The following WDR64 variants were observed in gnomAD, a reference collection of about 807,000 sequenced individuals.
The protein encoded by WDR64 is WD repeat domain 64.
A neutral mutation model predicts 139.3 loss-of-function variants in WDR64; 112 were observed. That is an observed-to-expected ratio of 0.80 (90% CI 0.69 to 0.94). WDR64 has a LOEUF of 0.94. Ranked by LOEUF, WDR64 falls within the 40% of genes least tolerant of loss-of-function variation. WDR64 has a pLI of 0.00. For synonymous variants in WDR64, 444 were observed against 437.7 expected (o/e 1.01, Z -0.18); for missense variants, 1,206 against 1,293.1 (o/e 0.93, Z 1.03).
In WDR64 at chr1:241,674,670, A is replaced by G; in HGVS notation, c.406A>G (p.Ser136Gly). 1.3e-6 allele frequency: 2 copies of G among 1,549,816 alleles called. No individual in the cohort carries two copies. Among genetic ancestry groups the G allele is most frequent in the Non-Finnish European group, 1.7e-6 (2 of 1,145,702 alleles). Reference protein sequence around the residue: ...SGSRRRDVIKSIVKIPHLDLL... With the variant: ...SGSRRRDVIKGIVKIPHLDLL... ...TAGTAGAAGACGAGATGTGATTAAGAGCATTGTCAAGATACCTCACCTGGA... is the reference window on the plus strand; with the variant it reads ...TAGTAGAAGACGAGATGTGATTAAGGGCATTGTCAAGATACCTCACCTGGA... The change falls in exon 4 of 28, where the codon AGC becomes GGC. Residue 136 changes from serine (S) to glycine (G), a missense_variant. Transcript: ENST00000437684.
At chr1:241,708,970 A>C (rs1233439467) in intron 8 of WDR64, among the ~76,000 whole-genome samples, 2 of 152,130 alleles carry the variant, frequency 1.3e-5, no homozygotes, top group Non-Finnish European at 2.9e-5. Context: ...TACAGGTCTA[A>C]GGATAACTAT....
chr1:241,789,842 T>TA (rs1224108353), intron 24 of WDR64, among the ~76,000 whole-genome samples: 2 of 152,148 alleles, frequency 1.3e-5, no homozygotes, highest in African/African-American at 4.8e-5. Context: ...GACACAAGTT[T>TA]ACCGAAATAA....
intron 2 of WDR64, among the ~76,000 whole-genome samples, chr1:241,670,588 T>C (rs961034152): frequency 6.6e-6 from 1 of 152,150 alleles, no homozygotes; most frequent in Non-Finnish European, 1.5e-5. Flanking sequence ...TTGAATATAT[T>C]AAACCAGGGG....
rs1271584266 is a variant in WDR64, at chr1:241,758,662, GC to G, written c.1947+1206del. Reference sequence around the variant, plus strand: ...TTAATTTGCTACTATTATTATTGATGCCCAAACTGTCCCATCTGAAACTGGT... The same window carrying G: ...TTAATTTGCTACTATTATTATTGATGCCAAACTGTCCCATCTGAAACTGGT... On this transcript the variant is annotated intron_variant, in intron 15 of 27. Coordinates refer to ENST00000437684, the MANE Select transcript of WDR64 (RefSeq NM_001367482.1). Among the ~76,000 whole-genome samples the G allele has an allele frequency of 2.0e-5, 3 of 152,140 alleles. No homozygotes were observed. In the East Asian group the frequency reaches 5.8e-4, roughly 29 times the overall value.
At position 241,652,571 on chromosome 1, in the gene WDR64, T is replaced by A; in HGVS notation, c.87T>A (p.Val29=). 5.8e-6 allele frequency: 9 copies of A among 1,551,988 alleles called. No homozygotes were observed. The highest frequency in any genetic ancestry group is 7.8e-6 in the Non-Finnish European group (9 of 1,147,048). ...KKALNRFEKL[V]EQTAAQKRDE... is the part of the protein sequence containing the mutation. ...CTTTGAACAGGTTTGAAAAATTGGT[T>A]GAACAAACAGCAGCCCAGAAAAGAG... The change falls in exon 1 of 28, where the codon GTT becomes GTA. Residue 29 remains valine (V), a synonymous_variant. Coordinates refer to ENST00000437684, the MANE Select transcript of WDR64 (RefSeq NM_001367482.1).
At chr1:241,781,605 G>A (rs1339275876) in intron 22 of WDR64, among the ~76,000 whole-genome samples, 2 of 103,732 alleles carry the variant, frequency 1.9e-5, no homozygotes, top group Admixed American at 8.6e-5. Flanking sequence ...AAGATAAGTC[G>A]AAACCTCTCC....
At chr1:241,791,322 C>T (rs1659209272) in intron 25 of WDR64, among the ~76,000 whole-genome samples, 1 of 152,104 alleles carries the variant, frequency 6.6e-6, no homozygotes, top group East Asian at 1.9e-4. Flanking sequence ...TTTGTCCCCT[C>T]TCTGACCATG....
chr1:241,664,104 T>A (rs1665939405), intron 2 of WDR64, among the ~76,000 whole-genome samples: 1 of 152,242 alleles, frequency 6.6e-6, no homozygotes, highest in Non-Finnish European at 1.5e-5. Flanking sequence ...ATTGTGTAAG[T>A]GTACAACATG....
At chr1:241,744,763 G>A (rs926595047) in intron 13 of WDR64, among the ~76,000 whole-genome samples, 3 of 152,178 alleles carry the variant, frequency 2.0e-5, no homozygotes, top group Non-Finnish European at 4.4e-5. Context: ...ACAGTTTGCA[G>A]AAGTCTTTTG....
chr1:241,740,352 G>A (rs929076168), intron 11 of WDR64, among the ~76,000 whole-genome samples: 1 of 152,188 alleles, frequency 6.6e-6, no homozygotes, highest in African/African-American at 2.4e-5. Flanking sequence ...GTCCAAGTAT[G>A]ATTTGACTAT....
Position 241,771,705 on chromosome 1 carries a change from T to A in WDR64, c.2290+8T>A. The A allele has an allele frequency of 3.4e-6, 5 of 1,466,710 alleles. No homozygotes were observed. Among genetic ancestry groups the A allele is most frequent in the Non-Finnish European group, 3.6e-6 (4 of 1,104,186 alleles). The allele number at this position is 1,466,710 out of a possible 1,614,324, so 90.9% of individuals were successfully genotyped here. A position where few individuals can be genotyped will look rare whatever the true frequency, so the allele number is the denominator to read the frequency against. ...ATGACAGTGAGGTTAAAGGTCAGTATGAAATCACCTCTCTTCTTTATAATA... is the reference window on the plus strand; with the variant it reads ...ATGACAGTGAGGTTAAAGGTCAGTAAGAAATCACCTCTCTTCTTTATAATA... On this transcript the variant is annotated splice_region_variant and intron_variant, in intron 19 of 27. Transcript: ENST00000437684.
chr1:241,699,855 C>T (rs1381388457), intron 8 of WDR64, among the ~76,000 whole-genome samples: 1 of 152,070 alleles, frequency 6.6e-6, no homozygotes, highest in Non-Finnish European at 1.5e-5. Context: ...ACCTGCATAC[C>T]ATGCTAAAGA....
intron 7 of WDR64, among the ~76,000 whole-genome samples, chr1:241,684,843 C>T (rs1158843853): frequency 2.0e-5 from 3 of 152,144 alleles, no homozygotes; most frequent in East Asian, 1.9e-4. Context: ...CTGCAACCTC[C>T]GCCTCCCGGG....
chr1:241,682,888 C>T (rs1033214828), intron 6 of WDR64, among the ~76,000 whole-genome samples: 2 of 152,164 alleles, frequency 1.3e-5, no homozygotes, highest in African/African-American at 2.4e-5. Flanking sequence ...ATTGCACAGT[C>T]GTGCTGCAAT....
rs541782171 is a variant in WDR64 at position 241,768,312 on chromosome 1, C to G, written c.2082-1092C>G. Among the ~76,000 whole-genome samples the G allele has an allele frequency of 2.6e-5, 4 of 152,278 alleles. No individual in the cohort carries two copies. In the East Asian group the frequency reaches 7.7e-4, roughly 29 times the overall value. On this transcript the variant is annotated intron_variant, in intron 16 of 27. Coordinates refer to ENST00000437684, the MANE Select transcript of WDR64 (RefSeq NM_001367482.1). ...ATTTTGCAAAACATATGATTTAGCA[C>G]AGATCTGTGGAAGGTCATTTAGGCC...
chr1:241,729,931 T>C lies in WDR64; in HGVS notation c.1194+6495T>C, dbSNP rs115929873. Among the ~76,000 whole-genome samples the C allele has an allele frequency of 2.6e-3, 398 of 152,310 alleles. 4 individuals are homozygous for C. The highest frequency in any genetic ancestry group is 9.0e-3 in the African/African-American group (374 of 41,576). Reference sequence around the variant, plus strand: ...TGCCTTCATATTTTACTACCTTTTGTCCTCATTCTGTGGCTTGGAACATTC... The same window carrying C: ...TGCCTTCATATTTTACTACCTTTTGCCCTCATTCTGTGGCTTGGAACATTC... On this transcript the variant is annotated intron_variant, in intron 10 of 27. Transcript: ENST00000437684.
chr1:241,773,015 A>G (rs1658520461), intron 20 of WDR64, 84 bp downstream of exon 20: 2 of 1,381,360 alleles, frequency 1.4e-6, no homozygotes, highest in Admixed American at 6.1e-5. Context: ...GTTCTTCCAT[A>G]TGGCATCCAA....
intron 16 of WDR64, among the ~76,000 whole-genome samples, chr1:241,767,007 A>C (rs60419132): frequency 0.018 from 2,793 of 152,274 alleles, 78 homozygotes; most frequent in African/African-American, 0.063. Flanking sequence ...ACACATAACC[A>C]ATTGCCTATT....
At position 241,723,375 on chromosome 1, in the gene WDR64, G is replaced by GT. The variant is rs763969754; in HGVS notation, c.1134dup (p.Ile379TyrfsTer8). On this transcript the variant is annotated frameshift_variant, in exon 10 of 28. Transcript: ENST00000437684. LOFTEE classifies it high-confidence loss of function. ...GGGAAACTTGTAGGACACATGTTCA[G>GT]TATCGCCGAGATCGTAACCAATGAA... The GT allele has an allele frequency of 6.2e-7, 1 of 1,613,974 alleles. No individual in the cohort carries two copies.
Sources: gnomAD v4.1 joint callset for allele counts (sites outside exome capture counted in the v4.1 genomes callset) on GRCh38, gnomAD v4.1.1 for gene constraint, MANE v1.5 for transcripts, NCBI Gene and HGNC (gene_info 2026-07-23, HGNC 2026-07-21) for gene names.